FNIP1: variants seen among roughly 807,000 people sequenced by gnomAD.
FNIP1 encodes folliculin-interacting protein 1.
Under a neutral mutation model 124.5 loss-of-function variants are expected in FNIP1, and 40 were observed. The observed-to-expected ratio is 0.32, with a 90% CI of 0.25 to 0.42. The LOEUF is 0.42. FNIP1 is among the 10% of genes least tolerant of loss of function. The probability of loss-of-function intolerance (pLI) is 1.00; values close to 1 mark genes in which losing one functional copy is unlikely to be tolerated. For missense variants in FNIP1, 1,176 were observed against 1,403.7 expected (o/e 0.84, Z 2.59); for synonymous variants, 472 against 470.6 (o/e 1.00, Z -0.04).
At position 131,709,238 on chromosome 5, in the gene FNIP1, C is replaced by T. The variant is rs758277297; in HGVS notation, c.741G>A (p.Glu247=). 6.2e-7 allele frequency: 1 copy of T among 1,614,046 alleles called. No homozygotes were observed. Among genetic ancestry groups the T allele is most frequent in the Non-Finnish European group, 8.5e-7 (1 of 1,179,958 alleles). ...TGCCACTGTCTCTGTCCTCATTGAG[C>T]TCTCTTCCAGGCATGTCCATTGGGT... ...HSNPMDMPGR[E]LNEDRDSGIA... The change falls in exon 8 of 18, where the codon GAG becomes GAA. Residue 247 remains glutamate (E), a synonymous_variant. Transcript: ENST00000510461.
intron 11 of FNIP1, among the ~76,000 whole-genome samples, chr5:131,697,968 C>CAAAAAAAAAAAAAAAAAAA (rs753487190): frequency 1.7e-5 from 1 of 58,768 alleles, no homozygotes; most frequent in African/African-American, 4.4e-5. Context: ...GACTCCACCT[C>CAAAAAAAAAAAAAAAAAAA]AAAAAAAAAA....
chr5:131,729,840 G>C (rs953060080), intron 3 of FNIP1, among the ~76,000 whole-genome samples: 4 of 152,076 alleles, frequency 2.6e-5, no homozygotes, highest in African/African-American at 9.7e-5. Context: ...CCGCCTCCCA[G>C]GTTCAAGCAA....
intron 1 of FNIP1, among the ~76,000 whole-genome samples, chr5:131,792,264 G>A (rs1772432328): frequency 6.6e-6 from 1 of 151,282 alleles, no homozygotes; most frequent in Admixed American, 6.6e-5. Flanking sequence ...GGGTTCAAGC[G>A]ATTCTCCTGC....
At chr5:131,664,478 A>G (rs577436114) in intron 15 of FNIP1, among the ~76,000 whole-genome samples, 2 of 152,148 alleles carry the variant, frequency 1.3e-5, no homozygotes, top group Non-Finnish European at 2.9e-5. Context: ...TTCACAAAAA[A>G]TAAACACATT....
chr5:131,748,524 T>C (rs1184144183), intron 1 of FNIP1, among the ~76,000 whole-genome samples: 1 of 151,892 alleles, frequency 6.6e-6, no homozygotes, highest in Non-Finnish European at 1.5e-5. Flanking sequence ...AAACCCTGTC[T>C]CTACTAAAAG....
intron 1 of FNIP1, among the ~76,000 whole-genome samples, chr5:131,765,927 C>G (rs1771406031): frequency 1.3e-5 from 2 of 152,054 alleles, no homozygotes; most frequent in Non-Finnish European, 2.9e-5. Flanking sequence ...TCTTCTTTGC[C>G]AAGTATCTTC....
At chr5:131,698,734 A>G (rs951120631) in intron 11 of FNIP1, among the ~76,000 whole-genome samples, 183 bp downstream of exon 11, 3 of 152,202 alleles carry the variant, frequency 2.0e-5, no homozygotes, top group African/African-American at 7.2e-5. Context: ...ATGGCTCTCA[A>G]TGTGCTTGAT....
chr5:131,779,148 A>T (rs1017306698), intron 1 of FNIP1, among the ~76,000 whole-genome samples: 7 of 135,742 alleles, frequency 5.2e-5, no homozygotes, highest in African/African-American at 1.4e-4. Context: ...AAGTATAATT[A>T]AAAAAAAAAA....
chr5:131,681,186 T>C (rs1054471076), intron 11 of FNIP1, among the ~76,000 whole-genome samples: 1 of 152,066 alleles, frequency 6.6e-6, no homozygotes, highest in Non-Finnish European at 1.5e-5. Context: ...TCTTTCAGAG[T>C]ATATAATCAG....
At chr5:131,692,936 A>G (rs904389333) in intron 11 of FNIP1, among the ~76,000 whole-genome samples, 3 of 151,948 alleles carry the variant, frequency 2.0e-5, no homozygotes, top group African/African-American at 7.3e-5. Context: ...TGAACCCAGG[A>G]GGTGGAAGTT....
chr5:131,775,471 A>T (rs2149580235), intron 1 of FNIP1, among the ~76,000 whole-genome samples: 1 of 143,716 alleles, frequency 7.0e-6, no homozygotes, highest in South Asian at 2.2e-4. Context: ...ATCATCTAAT[A>T]ATTCCATATT....
In FNIP1 at chr5:131,706,561, G is replaced by C; in HGVS notation, c.779-15C>G. On this transcript the variant is annotated splice_polypyrimidine_tract_variant and intron_variant, in intron 8 of 17. Coordinates refer to ENST00000510461, the MANE Select transcript of FNIP1 (RefSeq NM_133372.3). Reference sequence around the variant, plus strand: ...GCTGAGAGATGCTGTTAAGTCAGAAGAACAACAAGTATAAGTCAATAATGA... The same window carrying C: ...GCTGAGAGATGCTGTTAAGTCAGAACAACAACAAGTATAAGTCAATAATGA... The C allele has an allele frequency of 6.5e-7, 1 of 1,547,802 alleles. No homozygotes were observed. Among genetic ancestry groups the C allele is most frequent in the South Asian group, 1.2e-5 (1 of 80,362 alleles).
At chr5:131,703,517 G>C (rs1430980266) in intron 10 of FNIP1, among the ~76,000 whole-genome samples, 1 of 152,126 alleles carries the variant, frequency 6.6e-6, no homozygotes, top group Non-Finnish European at 1.5e-5. Flanking sequence ...CCTTGGCCTC[G>C]TAATGCTGCT....
intron 3 of FNIP1, among the ~76,000 whole-genome samples, chr5:131,728,230 C>T (rs1474133354): frequency 2.0e-5 from 3 of 152,128 alleles, no homozygotes; most frequent in Admixed American, 2.0e-4. Context: ...GCCTGTCTTG[C>T]TATGTTGGGA....
chr5:131,653,239 GA>G (rs112307631), intron 15 of FNIP1, among the ~76,000 whole-genome samples: 25 of 146,546 alleles, frequency 1.7e-4, no homozygotes, highest in Admixed American at 3.4e-4. Context: ...ATTGTTAAGT[GA>G]AAAAAAAAAA....
intron 11 of FNIP1, among the ~76,000 whole-genome samples, chr5:131,696,548 T>C (rs1457462725): frequency 6.6e-6 from 1 of 152,118 alleles, no homozygotes; most frequent in East Asian, 1.9e-4. Flanking sequence ...TTAACACTAC[T>C]GAACTGTACA....
chr5:131,758,977 A>G (rs1348985302), intron 1 of FNIP1, among the ~76,000 whole-genome samples: 1 of 152,088 alleles, frequency 6.6e-6, no homozygotes, highest in Non-Finnish European at 1.5e-5. Flanking sequence ...TGGTGTTAAA[A>G]TTTCATGGAG....
intron 1 of FNIP1, among the ~76,000 whole-genome samples, chr5:131,747,013 T>C (rs1359000343): frequency 6.6e-6 from 1 of 152,244 alleles, no homozygotes; most frequent in Non-Finnish European, 1.5e-5. Context: ...TTGATTTGTC[T>C]TTCTCTGATG....
At chr5:131,731,062 C>T (rs752715645) in intron 2 of FNIP1, 24 bp from the exon 3 acceptor site, 1 of 1,581,102 alleles carries the variant, frequency 6.3e-7, no homozygotes, top group Non-Finnish European at 8.6e-7. Flanking sequence ...TATTTCCACT[C>T]ATGTTTTAAC....
Sources: gnomAD v4.1 joint callset for allele counts (sites outside exome capture counted in the v4.1 genomes callset) on GRCh38, gnomAD v4.1.1 for gene constraint, MANE v1.5 for transcripts, NCBI Gene and HGNC (gene_info 2026-07-23, HGNC 2026-07-21) for gene names.